PSMB7: variants seen among roughly 807,000 people sequenced by gnomAD.
PSMB7 encodes the protein proteasome subunit beta type-7.
PSMB7 carries 5 observed loss-of-function variants against 28.1 expected under a neutral mutation model. That is an observed-to-expected ratio of 0.18 (90% confidence interval 0.09 to 0.37). PSMB7 has a LOEUF of 0.37. Among genes scored for constraint, PSMB7 ranks in the 10% least tolerant of loss-of-function variants. PSMB7 has a pLI of 1.00. For synonymous variants in PSMB7, 122 were observed against 123.7 expected, an observed-to-expected ratio of 0.99 and a Z score of 0.09; for missense variants, 275 against 346.2, an observed-to-expected ratio of 0.79 and a Z score of 1.63.
chr9:124,386,321 T>C (rs1830717869), intron 5 of PSMB7, among the ~76,000 whole-genome samples: 1 of 152,208 alleles, frequency 6.6e-6, no homozygotes, highest in Non-Finnish European at 1.5e-5. Context: ...TCCTTGAAGA[T>C]GTGGAAACAG....
chr9:124,410,984 CT>C (rs946337026), intron 4 of PSMB7, among the ~76,000 whole-genome samples: 1 of 146,820 alleles, frequency 6.8e-6, no homozygotes, highest in Non-Finnish European at 1.5e-5. Flanking sequence ...TTTTTTTTTT[CT>C]TTTTTTTTGA....
In PSMB7 at chr9:124,355,249, G is replaced by A. The variant is rs76064703; in HGVS notation, c.722+1515C>T. Among the ~76,000 whole-genome samples, 42 of 152,364 alleles carry A rather than the reference G, an allele frequency of 2.8e-4. No individual in the cohort carries two copies. The East Asian group carries it at 4.6e-3, about 17-fold the overall frequency. ...CCACACGCCCAGCAGCTTCTGGGTC[G>A]CCTTGCTGATTCTTCCCAAGCAGCC... On this transcript the variant is annotated intron_variant, in intron 7 of 7. Coordinates refer to ENST00000259457, the MANE Select transcript of PSMB7 (RefSeq NM_002799.4).
intron 6 of PSMB7, among the ~76,000 whole-genome samples, chr9:124,372,181 C>T (rs1161594146): frequency 6.6e-6 from 1 of 152,176 alleles, no homozygotes; most frequent in Non-Finnish European, 1.5e-5. Context: ...GAATTCCCAC[C>T]ACCATACACA....
chr9:124,406,092 TC>T (rs1408007090), intron 4 of PSMB7, among the ~76,000 whole-genome samples: 1 of 152,124 alleles, frequency 6.6e-6, no homozygotes, highest in Non-Finnish European at 1.5e-5. Context: ...TTGGACTGAC[TC>T]CAAAGATTAT....
chr9:124,392,594 G>A (rs886557688), intron 5 of PSMB7, among the ~76,000 whole-genome samples: 2 of 152,188 alleles, frequency 1.3e-5, no homozygotes, highest in Admixed American at 6.5e-5. Context: ...GACACTAAAA[G>A]TTCAAGAAAA....
At chr9:124,360,460 C>G (rs529038485) in intron 6 of PSMB7, among the ~76,000 whole-genome samples, 6 of 152,380 alleles carry the variant, frequency 3.9e-5, no homozygotes, top group African/African-American at 1.4e-4. Flanking sequence ...CCCAGGTGGT[C>G]AGGCCCAGGT....
rs547908272 is a variant in PSMB7, at chr9:124,395,085, A to T, written c.511+10232T>A. On this transcript the variant is annotated intron_variant, in intron 5 of 7. Coordinates refer to ENST00000259457, the MANE Select transcript of PSMB7 (RefSeq NM_002799.4). The stretch of plus-strand genomic sequence containing the variant: ...CAAACATCTACTACATGCTACATAC[A>T]AAAGACTTTTATGTTTGGTATCTCA... 3.3e-5 allele frequency among the ~76,000 whole-genome samples: 5 copies of T among 152,334 alleles called. No individual in the cohort carries two copies. In the East Asian group the frequency reaches 9.6e-4, roughly 29 times the overall value.
chr9:124,353,647 A>G lies in PSMB7; in HGVS notation c.785T>C (p.Leu262Pro). 1 of 1,614,100 alleles carries G rather than the reference A, an allele frequency of 6.2e-7. No individual in the cohort carries two copies. Among genetic ancestry groups the G allele is most frequent in the African/African-American group, 1.3e-5 (1 of 75,064 alleles). ...TAVLTEKITP[L>P]EIEVLEETVQ... ...TGTTTCTTCCAGCACCTCAATCTCC[A>G]GAGGAGTGATTTTCTCAGTGAGGAC... The change falls in exon 8 of 8, where the codon CTG (leucine) becomes CCG (proline). Residue 262 changes from leucine to proline, a missense_variant. By Grantham distance (98) the Leu-to-Pro change is moderately conservative. Transcript: ENST00000259457.
At chr9:124,395,916 G>A (rs1349532806) in intron 5 of PSMB7, among the ~76,000 whole-genome samples, 1 of 152,220 alleles carries the variant, frequency 6.6e-6, no homozygotes, top group Non-Finnish European at 1.5e-5. Context: ...CACCAGCACA[G>A]CTCCTCCCTT....
At chr9:124,367,612 T>G (rs1340239816) in intron 6 of PSMB7, among the ~76,000 whole-genome samples, 1 of 152,100 alleles carries the variant, frequency 6.6e-6, no homozygotes, top group Non-Finnish European at 1.5e-5. Context: ...AGGCAAAGAA[T>G]TTGACAGAAT....
intron 5 of PSMB7, among the ~76,000 whole-genome samples, chr9:124,404,388 A>G (rs2181710): frequency 0.96 from 146,297 of 152,328 alleles, 70,504 homozygotes; most frequent in East Asian, 1. Flanking sequence ...CTATAGTACA[A>G]TATCATCTGT....
intron 5 of PSMB7, among the ~76,000 whole-genome samples, chr9:124,403,592 G>C (rs1386348146): frequency 6.6e-6 from 1 of 152,196 alleles, no homozygotes; most frequent in African/African-American, 2.4e-5. Context: ...AAATGAGGAA[G>C]AGAGGGGGCA....
rs115602550 is a variant in PSMB7 at position 124,356,706 on chromosome 9, T to C, written c.722+58A>G. On this transcript the variant is annotated intron_variant, in intron 7 of 7. Coordinates refer to ENST00000259457, the MANE Select transcript of PSMB7 (RefSeq NM_002799.4). The surrounding 1 kb of genome is among the most constrained non-coding windows in gnomAD (Gnocchi z 4.4). ...AAACTCCATCCAGATGCCATGGAGA[T>C]ACCAAGGGTGGCCACGACGCCAGGG... 5.2e-3 allele frequency: 8,099 copies of C among 1,563,782 alleles called. 349 individuals are homozygous for C. The African/African-American group carries it at 0.096, about 19-fold the overall frequency.
Position 124,353,705 on chromosome 9 carries a change from C to A in PSMB7, c.727G>T (p.Gly243Cys). Residue 243 changes from glycine to cysteine, a missense_variant, in exon 8 of 8, where the codon GGC becomes TGC. Physicochemically the swap from Gly to Cys is radical, Grantham distance 159 (BLOSUM62 -3). Transcript: ENST00000259457. Reference sequence around the variant, plus strand: ...GTCCCTTTCTCACACCTGTACCGGCCAAGCCTAGTAAGAGAAAAACAAAAG... The same window carrying A: ...GTCCCTTTCTCACACCTGTACCGGCAAAGCCTAGTAAGAGAAAAACAAAAG... ...TVPNKKGTRL[G>C]RYRCEKGTTA... The A allele has an allele frequency of 5.6e-6, 9 of 1,610,148 alleles. No homozygotes were observed. The highest frequency in any genetic ancestry group is 7.7e-6 in the Non-Finnish European group (9 of 1,176,400).
chr9:124,390,348 T>C (rs1830771745), intron 5 of PSMB7, among the ~76,000 whole-genome samples: 1 of 152,310 alleles, frequency 6.6e-6, no homozygotes, highest in South Asian at 2.1e-4. Context: ...CTTAGGGACT[T>C]ATTCTAAAGA....
chr9:124,372,945 A>G (rs915086244), intron 6 of PSMB7, among the ~76,000 whole-genome samples: 1 of 152,236 alleles, frequency 6.6e-6, no homozygotes, highest in African/African-American at 2.4e-5. Flanking sequence ...CATAAAATTT[A>G]TATCTGCTCT....
intron 6 of PSMB7, among the ~76,000 whole-genome samples, chr9:124,370,234 T>G (rs1830547406): frequency 6.6e-6 from 1 of 152,104 alleles, no homozygotes; most frequent in African/African-American, 2.4e-5. Context: ...TTTTTTTTTT[T>G]TTTTTAAAGC....
At chr9:124,388,934 T>C (rs2131165569) in intron 5 of PSMB7, among the ~76,000 whole-genome samples, 1 of 152,208 alleles carries the variant, frequency 6.6e-6, no homozygotes, top group African/African-American at 2.4e-5. Context: ...ATCTGCAGCC[T>C]CCATCCCCAA....
In PSMB7 at chr9:124,414,716, A is replaced by G; in HGVS notation, c.156+126T>C. On this transcript the variant is annotated intron_variant, in intron 2 of 7. Transcript: ENST00000259457. The stretch of plus-strand genomic sequence containing the variant: ...TGACAAAAGCAGTCGCTCCTGAAAG[A>G]CGGTCTCCTGATGTATTCTATAGCA... 2 of 737,142 alleles carry G rather than the reference A, an allele frequency of 2.7e-6. 1 individual carries two copies. Among genetic ancestry groups the G allele is most frequent in the South Asian group, 3.0e-5 (2 of 66,274 alleles). The allele number at this position is 737,142 out of a possible 1,614,324, so 45.7% of individuals were successfully genotyped here.
Sources: gnomAD v4.1 joint callset for allele counts (sites outside exome capture counted in the v4.1 genomes callset) on GRCh38, gnomAD v4.1.1 for gene constraint, Gnocchi (gnomAD v3.1) non-coding constraint, MANE v1.5 for transcripts, NCBI Gene and HGNC (gene_info 2026-07-23, HGNC 2026-07-21) for gene names.